Variants in TIAM1 observed in about 807,000 individuals in gnomAD.
The protein encoded by TIAM1 is TIAM Rac1 associated GEF 1.
A neutral mutation model predicts 163.5 loss-of-function variants in TIAM1; 65 were observed. The ratio of observed to expected loss-of-function variants is 0.40; its 90% CI spans 0.33 to 0.49. The LOEUF is 0.49. Among genes scored for constraint, TIAM1 ranks in the 20% least tolerant of loss-of-function variants. TIAM1 has a pLI of 0.77. For missense variants in TIAM1, 1,789 were observed against 2,044.7 expected (o/e 0.87, Z 2.41); for synonymous variants, 833 against 810.1 (o/e 1.03, Z -0.48).
chr21:31,446,067 A>C (rs2044611572), intron 2 of TIAM1, among the ~76,000 whole-genome samples: 1 of 152,100 alleles, frequency 6.6e-6, no homozygotes, highest in African/African-American at 2.4e-5. Context: ...CAGCCTCCCA[A>C]GTAGCTGGCA....
At chr21:31,473,052 C>T (rs183573068) in intron 1 of TIAM1, among the ~76,000 whole-genome samples, 5 of 152,250 alleles carry the variant, frequency 3.3e-5, no homozygotes, top group Admixed American at 6.5e-5. Context: ...GGAATGGCCT[C>T]GGTAAACAGA....
rs570604528 is a variant in TIAM1 at position 31,394,139 on chromosome 21, G to A, written c.-368-54717C>T. On this transcript the variant is annotated intron_variant, in intron 2 of 28. Coordinates refer to the TIAM1 transcript ENST00000286827. ...GCAGGTGAAGGGATAAATAATCAAT[G>A]GTATATCACACAAAGGAATATTATC... 1.9e-4 allele frequency among the ~76,000 whole-genome samples: 29 copies of A among 152,176 alleles called. 1 individual carries two copies. Among genetic ancestry groups the A allele is most frequent in the African/African-American group, 7.0e-4 (29 of 41,542 alleles).
In TIAM1 at chr21:31,186,952, C is replaced by T. The variant is rs1340057958; in HGVS notation, c.2662+49G>A. Reference sequence around the variant, plus strand: ...TTTCTCCTTCAAAAACTAGAGAAGCCCCAAAGGGCATTTAAGACAGACAGA... The same window carrying T: ...TTTCTCCTTCAAAAACTAGAGAAGCTCCAAAGGGCATTTAAGACAGACAGA... On this transcript the variant is annotated intron_variant, in intron 14 of 27. Coordinates refer to ENST00000541036, the MANE Select transcript of TIAM1 (RefSeq NM_001353694.2). 6 of 1,514,386 alleles carry T rather than the reference C, an allele frequency of 4.0e-6. No homozygotes were observed. The East Asian group carries it at 1.1e-4, about 28-fold the overall frequency. 93.8% of individuals were successfully genotyped at this position (1,514,386 alleles called of 1,614,324 possible).
In TIAM1 at chr21:31,225,838, T is replaced by C. The variant is rs1166837326; in HGVS notation, c.1697A>G (p.Glu566Gly). The C allele has an allele frequency of 1.2e-6, 2 of 1,614,108 alleles. No individual in the cohort carries two copies. The highest frequency in any genetic ancestry group is 2.7e-5 in the African/African-American group (2 of 74,936). The change falls in exon 7 of 28, where the codon GAG (glutamate) becomes GGG (glycine). Residue 566 changes from glutamate to glycine, a missense_variant. This residue lies in a region of TIAM1 where 456 missense variants were observed against 586.6 expected (regional missense o/e 0.78). Transcript: ENST00000541036. The stretch of plus-strand genomic sequence containing the variant: ...AATCTTCTGTTCCAGTTTTTTGATC[T>C]CTGATTTCAGGAGTCGGAGCGTGTC... Reference protein sequence around the residue: ...KEDTLRLLKSEIKKLEQKIDM... With the variant: ...KEDTLRLLKSGIKKLEQKIDM...
At chr21:31,197,243 A>C (rs981918450) in intron 12 of TIAM1, among the ~76,000 whole-genome samples, 1 of 152,242 alleles carries the variant, frequency 6.6e-6, no homozygotes, top group Admixed American at 6.5e-5. Context: ...CTAAAATAAG[A>C]GTTAAAATTA....
At chr21:31,179,975 A>C (rs1408388925) in intron 15 of TIAM1, among the ~76,000 whole-genome samples, 1 of 142,826 alleles carries the variant, frequency 7.0e-6, no homozygotes, top group Non-Finnish European at 1.5e-5. Context: ...GTGCAATCTC[A>C]GCTCACTGCA....
At position 31,216,721 on chromosome 21, in the gene TIAM1, G is replaced by A. The variant is rs540407624; in HGVS notation, c.2142+832C>T. Among the ~76,000 whole-genome samples the A allele has an allele frequency of 1.1e-4, 17 of 152,252 alleles. No individual in the cohort carries two copies. In the South Asian group the frequency reaches 3.3e-3, roughly 30 times the overall value. On this transcript the variant is annotated intron_variant, in intron 9 of 27. Transcript: ENST00000541036. ...CTATGTTGCGCCCTCACGACATACCGAGATCCCGTTCCAGCCCCTGGACCT... is the reference window on the plus strand; with the variant it reads ...CTATGTTGCGCCCTCACGACATACCAAGATCCCGTTCCAGCCCCTGGACCT...
chr21:31,372,606 C>T (rs1265749129), intron 2 of TIAM1, among the ~76,000 whole-genome samples: 5 of 151,750 alleles, frequency 3.3e-5, no homozygotes, highest in African/African-American at 7.3e-5. Flanking sequence ...AAGGGGCAGG[C>T]GAGGGTAGGG....
intron 2 of TIAM1, among the ~76,000 whole-genome samples, chr21:31,412,817 G>A (rs1319861113): frequency 1.4e-5 from 2 of 141,940 alleles, no homozygotes; most frequent in South Asian, 2.4e-4. Flanking sequence ...AAGGGAGCAC[G>A]CAACCTAGAT....
chr21:31,511,089 G>A (rs548813784), intron 1 of TIAM1, among the ~76,000 whole-genome samples: 1 of 152,308 alleles, frequency 6.6e-6, no homozygotes, highest in Non-Finnish European at 1.5e-5. Flanking sequence ...AGGCAAAGAA[G>A]GATTCTACAC....
At chr21:31,209,371 G>A (rs1445466905) in intron 11 of TIAM1, among the ~76,000 whole-genome samples, 6 of 152,072 alleles carry the variant, frequency 3.9e-5, no homozygotes, top group South Asian at 4.1e-4. Context: ...TGCCCTTCAC[G>A]GGGAAAAATG....
At chr21:31,336,298 G>C (rs1044829839) in intron 2 of TIAM1, among the ~76,000 whole-genome samples, 1 of 152,096 alleles carries the variant, frequency 6.6e-6, no homozygotes, top group Non-Finnish European at 1.5e-5. Flanking sequence ...TGAAGTACTG[G>C]GGGAGAATCC....
chr21:31,466,323 C>T (rs1191511071), intron 1 of TIAM1, among the ~76,000 whole-genome samples: 1 of 152,168 alleles, frequency 6.6e-6, no homozygotes, highest in Non-Finnish European at 1.5e-5. Flanking sequence ...ATCAACTTAA[C>T]AGGATTCCTG....
At chr21:31,482,149 T>A (rs1395684157) in intron 1 of TIAM1, among the ~76,000 whole-genome samples, 1 of 112,154 alleles carries the variant, frequency 8.9e-6, no homozygotes, top group Non-Finnish European at 1.9e-5. Context: ...TTTCTTACCA[T>A]AACAAACATC....
At chr21:31,335,071 C>T (rs964404719) in intron 2 of TIAM1, among the ~76,000 whole-genome samples, 1 of 152,154 alleles carries the variant, frequency 6.6e-6, no homozygotes, top group Non-Finnish European at 1.5e-5. Context: ...TATCTTGCAT[C>T]AGACCCAAGG....
chr21:31,480,228 G>A (rs1342109079), intron 1 of TIAM1, among the ~76,000 whole-genome samples: 1 of 152,120 alleles, frequency 6.6e-6, no homozygotes, highest in Non-Finnish European at 1.5e-5. Context: ...TAAGCTTTTC[G>A]GGTCCACTTT....
Position 31,172,620 on chromosome 21 carries a change from C to A in TIAM1, c.2888-7555G>T, listed in dbSNP as rs535570288. 2.6e-5 allele frequency among the ~76,000 whole-genome samples: 4 copies of A among 152,246 alleles called. No homozygotes were observed. In the East Asian group the frequency reaches 7.7e-4, roughly 29 times the overall value. Reference sequence around the variant, plus strand: ...AGGGGACCGGGGGAGAGGAAGAGGGCTCGGTCTAGAGAGACAAAGTCTCAG... The same window carrying A: ...AGGGGACCGGGGGAGAGGAAGAGGGATCGGTCTAGAGAGACAAAGTCTCAG... On this transcript the variant is annotated intron_variant, in intron 15 of 27. Coordinates refer to ENST00000541036, the MANE Select transcript of TIAM1 (RefSeq NM_001353694.2).
At chr21:31,339,519 CA>C (rs1425514921) in intron 1 of TIAM1, 97 bp from the exon 2 acceptor site, 5 of 397,276 alleles carry the variant, frequency 1.3e-5, no homozygotes, top group Admixed American at 8.8e-5. Context: ...AACGTGATAA[CA>C]CAGGAAAAGT....
intron 2 of TIAM1, among the ~76,000 whole-genome samples, chr21:31,442,070 A>AATAAATATATATATATATAT (rs370046459): frequency 7.5e-5 from 4 of 53,226 alleles, no homozygotes; most frequent in East Asian, 1.2e-3. Context: ...CAAATAAATA[A>AATAAATATATATATATATAT]ATATATATAT....
Sources: allele counts gnomAD v4.1 joint callset (sites outside exome capture counted in the v4.1 genomes callset), GRCh38; gene constraint gnomAD v4.1.1; regional missense constraint gnomAD v4.1.1; transcripts MANE v1.5; gene names NCBI Gene and HGNC (gene_info 2026-07-23, HGNC 2026-07-21).